Variants in SLC18A3 observed in about 807,000 individuals in gnomAD.
SLC18A3 encodes the protein vesicular acetylcholine transporter.
SLC18A3 carries 18 observed loss-of-function variants against 24.2 expected under a neutral mutation model. The ratio of observed to expected loss-of-function variants is 0.74; its 90% CI spans 0.51 to 1.10. SLC18A3 has a LOEUF of 1.10. SLC18A3 is among the 50% of genes least tolerant of loss of function. The pLI is 0.00. For missense variants in SLC18A3, 744 were observed against 750.7 expected (o/e 0.99, Z 0.10); for synonymous variants, 415 against 355.4 (o/e 1.17, Z -1.89).
rs762665405 is a variant in SLC18A3, at chr10:49,611,329, A to T, written c.589A>T (p.Ile197Leu). Residue 197 changes from isoleucine (I) to leucine (L), a missense_variant, in exon 1 of 1, where the codon ATA becomes TTA. Around this residue, in one of 3 missense-constraint regions of SLC18A3, gnomAD observed 566 missense variants for 566.2 expected, o/e 1.00. Transcript: ENST00000374115. Reference protein sequence around the residue: ...LGSAFADTSGIAMIADKYPEE... With the variant: ...LGSAFADTSGLAMIADKYPEE... ...CTCAGCCTTCGCCGACACGTCTGGC[A>T]TAGCCATGATCGCCGATAAGTACCC... The T allele has an allele frequency of 6.2e-7, 1 of 1,603,624 alleles. No homozygotes were observed. The highest frequency in any genetic ancestry group is 1.1e-5 in the South Asian group (1 of 91,066).
rs1317778447 is a variant in SLC18A3, at chr10:49,611,499, C to T, written c.759C>T (p.Leu253=). ...VPFLVLAAVS[L]FDALLLLAVA... Reference sequence around the variant, plus strand: ...TCTTGGTGCTAGCTGCCGTGTCGCTCTTTGACGCGCTGTTGCTGCTGGCAG... The same window carrying T: ...TCTTGGTGCTAGCTGCCGTGTCGCTTTTTGACGCGCTGTTGCTGCTGGCAG... The change falls in exon 1 of 1, where the codon CTC becomes CTT. Residue 253 remains leucine (L), a synonymous_variant. Transcript: ENST00000374115. 7 of 1,600,500 alleles carry T rather than the reference C, an allele frequency of 4.4e-6. No homozygotes were observed. Among genetic ancestry groups the T allele is most frequent in the Non-Finnish European group, 5.9e-6 (7 of 1,179,884 alleles).
Position 49,611,014 on chromosome 10 carries a change from G to T in SLC18A3, c.274G>T (p.Ala92Ser), listed in dbSNP as rs367805043. 2.5e-6 allele frequency: 4 copies of T among 1,613,754 alleles called. No homozygotes were observed. Among genetic ancestry groups the T allele is most frequent in the Non-Finnish European group, 1.7e-6 (2 of 1,179,812 alleles). ...LPLPTPANAS[A>S]YTANTSASPT... Reference sequence around the variant, plus strand: ...GCTGCCCACTCCGGCCAATGCCAGCGCCTACACGGCCAACACCTCGGCGTC... The same window carrying T: ...GCTGCCCACTCCGGCCAATGCCAGCTCCTACACGGCCAACACCTCGGCGTC... Residue 92 changes from alanine to serine, a missense_variant, in exon 1 of 1, where the codon GCC (alanine) becomes TCC (serine). Physicochemically the swap from Ala to Ser is moderately conservative, Grantham distance 99 (BLOSUM62 1). This residue lies in a region of SLC18A3 where 566 missense variants were observed against 566.2 expected (regional missense o/e 1.00). Transcript: ENST00000374115.
chr10:49,611,849 G>C lies in SLC18A3; in HGVS notation c.1109G>C (p.Ser370Thr), dbSNP rs776627836. The C allele has an allele frequency of 6.2e-7, 1 of 1,605,246 alleles. No homozygotes were observed. Among genetic ancestry groups the C allele is most frequent in the Admixed American group, 1.7e-5 (1 of 59,984 alleles). Residue 370 changes from serine (S) to threonine (T), a missense_variant, in exon 1 of 1, where the codon AGC becomes ACC. Coordinates refer to ENST00000374115, the MANE Select transcript of SLC18A3 (RefSeq NM_003055.3). The stretch of plus-strand genomic sequence containing the variant: ...CTTGGGCTGGCTGTGATCGGCGCCA[G>C]CTCGTGCATCGTGCCCGCCTGCCGC... ...GALGLAVIGA[S>T]SCIVPACRSF...
At position 49,611,780 on chromosome 10, in the gene SLC18A3, G is replaced by T. The variant is rs913755733; in HGVS notation, c.1040G>T (p.Arg347Leu). 1.2e-6 allele frequency: 2 copies of T among 1,602,912 alleles called. No individual in the cohort carries two copies. Among genetic ancestry groups the T allele is most frequent in the Non-Finnish European group, 1.7e-6 (2 of 1,179,844 alleles). The change falls in exon 1 of 1, where the codon CGC becomes CTC. Residue 347 changes from arginine (R) to leucine (L), a missense_variant. Transcript: ENST00000374115. Reference protein sequence around the residue: ...PHVLGVYLTVRLAARYPHLQW... With the variant: ...PHVLGVYLTVLLAARYPHLQW... ...GTGCTGGGCGTCTACCTCACCGTGC[G>T]CCTGGCGGCGCGCTACCCACACCTG...
Position 49,611,177 on chromosome 10 carries a change from T to C in SLC18A3, c.437T>C (p.Ile146Thr). 6.2e-7 allele frequency: 1 copy of C among 1,614,170 alleles called. No homozygotes were observed. The highest frequency in any genetic ancestry group is 8.5e-7 in the Non-Finnish European group (1 of 1,179,988). Residue 146 changes from isoleucine to threonine, a missense_variant, in exon 1 of 1, where the codon ATC becomes ACC. Ile to Thr is a moderately conservative substitution (Grantham distance 89). Coordinates refer to ENST00000374115, the MANE Select transcript of SLC18A3 (RefSeq NM_003055.3). ...GTGAACCCCTTGAGCGGGCCCTTCATCGACCGCATGAGCTACGACGTGCCG... is the reference window on the plus strand; with the variant it reads ...GTGAACCCCTTGAGCGGGCCCTTCACCGACCGCATGAGCTACGACGTGCCG... ...LLVNPLSGPF[I>T]DRMSYDVPLL...
Position 49,611,160 on chromosome 10 carries a change from C to T in SLC18A3, c.420C>T (p.Pro140=), listed in dbSNP as rs1838283957. 6.2e-7 allele frequency: 1 copy of T among 1,614,188 alleles called. No individual in the cohort carries two copies. Residue 140 remains proline (P), a synonymous_variant, in exon 1 of 1, where the codon CCC becomes CCT. Transcript: ENST00000374115. ...SKAILQLLVN[P]LSGPFIDRMS... ...CTATCCTGCAGCTGCTAGTGAACCC[C>T]TTGAGCGGGCCCTTCATCGACCGCA... is the stretch of plus-strand genomic sequence containing the variant.
In SLC18A3 at chr10:49,612,382, A is replaced by AG; in HGVS notation, c.*48dup. ...CAGCCCACCCAACCGCCTTGGGTCA[A>AG]GGGGGCTGCTCTGCAAGCCCACTGG... On this transcript the variant is annotated 3_prime_UTR_variant, in exon 1 of 1. Coordinates refer to ENST00000374115, the MANE Select transcript of SLC18A3 (RefSeq NM_003055.3). 2 of 1,539,800 alleles carry AG rather than the reference A, an allele frequency of 1.3e-6. No homozygotes were observed. Among genetic ancestry groups the AG allele is most frequent in the Non-Finnish European group, 1.8e-6 (2 of 1,139,874 alleles).
Position 49,611,057 on chromosome 10 carries a change from C to T in SLC18A3, c.317C>T (p.Pro106Leu). ...NTSASPTAAW[P>L]AGSALRPRYP... Reference sequence around the variant, plus strand: ...TCGGCGTCCCCGACAGCTGCGTGGCCAGCGGGCTCAGCCCTTCGGCCCCGC... The same window carrying T: ...TCGGCGTCCCCGACAGCTGCGTGGCTAGCGGGCTCAGCCCTTCGGCCCCGC... The change falls in exon 1 of 1, where the codon CCA becomes CTA. Residue 106 changes from proline to leucine, a missense_variant. Physicochemically the swap from Pro to Leu is moderately conservative, Grantham distance 98. Transcript: ENST00000374115. 1 of 1,614,080 alleles carries T rather than the reference C, an allele frequency of 6.2e-7. No individual in the cohort carries two copies. The highest frequency in any genetic ancestry group is 8.5e-7 in the Non-Finnish European group (1 of 1,179,980).
At position 49,612,268 on chromosome 10, in the gene SLC18A3, G is replaced by T. The variant is rs1296215833; in HGVS notation, c.1528G>T (p.Glu510Ter). 8 of 1,610,946 alleles carry T rather than the reference G, an allele frequency of 5.0e-6. No individual in the cohort carries two copies. The highest frequency in any genetic ancestry group is 6.8e-6 in the Non-Finnish European group (8 of 1,179,894). ...RERPVSGQDG[E>*]PRSPPGPFDA... ...GCGTCCTGTGTCTGGCCAGGACGGC[G>T]AGCCTCGCAGCCCGCCTGGCCCTTT... Residue 510 changes from glutamate to a stop codon, truncating the protein, a stop_gained, in exon 1 of 1, where the codon GAG becomes TAG. Transcript: ENST00000374115. LOFTEE classifies it high-confidence loss of function.
At position 49,610,698 on chromosome 10, in the gene SLC18A3, G is replaced by C. The variant is rs766891845; in HGVS notation, c.-43G>C. 1.2e-5 allele frequency: 18 copies of C among 1,449,702 alleles called. No homozygotes were observed. In the East Asian group the frequency reaches 4.6e-4, roughly 37 times the overall value. The allele number at this position is 1,449,702 out of a possible 1,614,324, so 89.8% of individuals were successfully genotyped here. A position where few individuals can be genotyped will look rare whatever the true frequency, so the allele number is the denominator to read the frequency against. On this transcript the variant is annotated 5_prime_UTR_variant, in exon 1 of 1. Coordinates refer to ENST00000374115, the MANE Select transcript of SLC18A3 (RefSeq NM_003055.3). ...TCTGCACTGCGGGACGCCAGCGCTC[G>C]GCCCTGGCGGAGGCGTCCTCGGAAG...
In SLC18A3 at chr10:49,611,894, T is replaced by G. The variant is rs1421602265; in HGVS notation, c.1154T>G (p.Val385Gly). The G allele has an allele frequency of 6.2e-7, 1 of 1,611,110 alleles. No homozygotes were observed. ...TGCCGCTCCTTCGCGCCGCTAGTGG[T>G]CTCACTATGCGGCCTCTGTTTTGGC... ...PACRSFAPLV[V>G]SLCGLCFGIA... is the part of the protein sequence containing the mutation. The change falls in exon 1 of 1, where the codon GTC (valine) becomes GGC (glycine). Residue 385 changes from valine (V) to glycine (G), a missense_variant. Transcript: ENST00000374115.
rs1000230060 is a variant in SLC18A3 at position 49,610,630 on chromosome 10, C to G, written c.-111C>G. On this transcript the variant is annotated 5_prime_UTR_variant, in exon 1 of 1. Transcript: ENST00000374115. Reference sequence around the variant, plus strand: ...GCGGCCACCTGAGGCACAGGGGAGTCTGCTCGGCCAGGACAGCCTCCCCGA... The same window carrying G: ...GCGGCCACCTGAGGCACAGGGGAGTGTGCTCGGCCAGGACAGCCTCCCCGA... 3.8e-5 allele frequency: 44 copies of G among 1,144,814 alleles called. No individual in the cohort carries two copies. The highest frequency in any genetic ancestry group is 5.2e-5 in the Non-Finnish European group (44 of 851,194). 70.9% of individuals were successfully genotyped at this position (1,144,814 alleles called of 1,614,324 possible).
In SLC18A3 at chr10:49,611,283, G is replaced by A; in HGVS notation, c.543G>A (p.Ala181=). Residue 181 remains alanine (A), a synonymous_variant, in exon 1 of 1, where the codon GCG becomes GCA. Coordinates refer to ENST00000374115, the MANE Select transcript of SLC18A3 (RefSeq NM_003055.3). ...AGGACTACGCCACGCTGTTCGCGGC[G>A]CGCAGCCTGCAGGGCCTGGGCTCAG... ...FAEDYATLFA[A]RSLQGLGSAF... 1 of 1,610,288 alleles carries A rather than the reference G, an allele frequency of 6.2e-7. No individual in the cohort carries two copies. The highest frequency in any genetic ancestry group is 8.5e-7 in the Non-Finnish European group (1 of 1,179,944).
chr10:49,611,852 C>G lies in SLC18A3; in HGVS notation c.1112C>G (p.Ser371Trp). ...ALGLAVIGASSCIVPACRSFA... is the reference protein window; with the variant it reads ...ALGLAVIGASWCIVPACRSFA... Reference sequence around the variant, plus strand: ...GGGCTGGCTGTGATCGGCGCCAGCTCGTGCATCGTGCCCGCCTGCCGCTCC... The same window carrying G: ...GGGCTGGCTGTGATCGGCGCCAGCTGGTGCATCGTGCCCGCCTGCCGCTCC... Residue 371 changes from serine to tryptophan, a missense_variant, in exon 1 of 1, where the codon TCG (serine) becomes TGG (tryptophan). By Grantham distance (177) the Ser-to-Trp change is radical. Transcript: ENST00000374115. The G allele has an allele frequency of 6.2e-7, 1 of 1,605,472 alleles. No individual in the cohort carries two copies.
At chr10:49,612,718 GGAGGCC>G in exon 1 of SLC18A3, 1 of 224,498 alleles carries the variant, frequency 4.5e-6, no homozygotes, top group Admixed American at 5.8e-5. Context: ...GTCTGTCCCA[GGAGGCC>G]GAGTCTCTTT....
chr10:49,610,588 G>A lies in SLC18A3; in HGVS notation c.-153G>A, dbSNP rs1838262654. On this transcript the variant is annotated 5_prime_UTR_variant, in exon 1 of 1. Coordinates refer to ENST00000374115, the MANE Select transcript of SLC18A3 (RefSeq NM_003055.3). Reference sequence around the variant, plus strand: ...ACGGAGTCCTTTCCTTTCCCGGGACGCTGGGCCATGAGCTCCGCGGCCACC... The same window carrying A: ...ACGGAGTCCTTTCCTTTCCCGGGACACTGGGCCATGAGCTCCGCGGCCACC... The A allele has an allele frequency of 4.6e-6, 3 of 655,232 alleles. No individual in the cohort carries two copies. Among genetic ancestry groups the A allele is most frequent in the Admixed American group, 3.7e-5 (1 of 26,790 alleles). 40.6% of individuals were successfully genotyped at this position (655,232 alleles called of 1,614,324 possible).
chr10:49,612,348 C>T lies in SLC18A3; in HGVS notation c.*9C>T. The T allele has an allele frequency of 6.4e-7, 1 of 1,572,892 alleles. No homozygotes were observed. On this transcript the variant is annotated 3_prime_UTR_variant, in exon 1 of 1. Coordinates refer to ENST00000374115, the MANE Select transcript of SLC18A3 (RefSeq NM_003055.3). Reference sequence around the variant, plus strand: ...ACTACACCCGCAGCTAGCATCCCCACTCCTCCTCCAGCCCACCCAACCGCC... The same window carrying T: ...ACTACACCCGCAGCTAGCATCCCCATTCCTCCTCCAGCCCACCCAACCGCC...
In SLC18A3 at chr10:49,610,689, C is replaced by G; in HGVS notation, c.-52C>G. On this transcript the variant is annotated 5_prime_UTR_variant, in exon 1 of 1. Coordinates refer to ENST00000374115, the MANE Select transcript of SLC18A3 (RefSeq NM_003055.3). ...GCCCTCGCCTCTGCACTGCGGGACGCCAGCGCTCGGCCCTGGCGGAGGCGT... is the reference window on the plus strand; with the variant it reads ...GCCCTCGCCTCTGCACTGCGGGACGGCAGCGCTCGGCCCTGGCGGAGGCGT... 19 of 1,445,958 alleles carry G rather than the reference C, an allele frequency of 1.3e-5. No homozygotes were observed. The highest frequency in any genetic ancestry group is 1.7e-5 in the Non-Finnish European group (19 of 1,105,180). 89.6% of individuals were successfully genotyped at this position (1,445,958 alleles called of 1,614,324 possible). A position where few individuals can be genotyped will look rare whatever the true frequency, so the allele number is the denominator to read the frequency against.
Position 49,610,656 on chromosome 10 carries a change from A to C in SLC18A3, c.-85A>C. ...TGCTCGGCCAGGACAGCCTCCCCGA[A>C]GTCCCGTGCCCTCGCCTCTGCACTG... On this transcript the variant is annotated 5_prime_UTR_variant, in exon 1 of 1. Transcript: ENST00000374115. 2.2e-6 allele frequency: 3 copies of C among 1,342,306 alleles called. No homozygotes were observed. Among genetic ancestry groups the C allele is most frequent in the South Asian group, 3.2e-5 (2 of 61,558 alleles). The allele number at this position is 1,342,306 out of a possible 1,614,324, so 83.1% of individuals were successfully genotyped here.
Sources: allele counts gnomAD v4.1 joint callset, GRCh38; gene constraint gnomAD v4.1.1; regional missense constraint gnomAD v4.1.1; transcripts MANE v1.5; gene names NCBI Gene and HGNC (gene_info 2026-07-23, HGNC 2026-07-21).